GABBR2: variants seen among roughly 807,000 people sequenced by gnomAD.
The protein encoded by GABBR2 is gamma-aminobutyric acid type B receptor subunit 2.
A neutral mutation model predicts 105.6 loss-of-function variants in GABBR2; 23 were observed. The observed-to-expected ratio is 0.22, with a 90% CI of 0.16 to 0.31. The LOEUF (loss-of-function observed/expected upper bound fraction) is 0.31, where lower values mean the gene tolerates loss of function less well. Ranked by LOEUF, GABBR2 falls within the 10% of genes least tolerant of loss-of-function variation. The pLI is 1.00. For missense variants in GABBR2, 734 were observed against 1,245.5 expected, an observed-to-expected ratio of 0.59 and a Z score of 6.18; for synonymous variants, 478 against 499.7, an observed-to-expected ratio of 0.96 and a Z score of 0.58.
chr9:98,489,913 T>C (rs1443272050), intron 4 of GABBR2, among the ~76,000 whole-genome samples: 1 of 152,176 alleles, frequency 6.6e-6, no homozygotes, highest in African/African-American at 2.4e-5. Context: ...GCCAACATGG[T>C]AAAACACCAT....
In GABBR2 at chr9:98,405,468, TC is replaced by T. The variant is rs1209628028; in HGVS notation, c.1297+612del. Among the ~76,000 whole-genome samples, 12 of 152,220 alleles carry T rather than the reference TC, an allele frequency of 7.9e-5. No individual in the cohort carries two copies. In the East Asian group the frequency reaches 2.3e-3, roughly 29 times the overall value. Reference sequence around the variant, plus strand: ...CCCAAACCCCACAACAATGCAAAGGTCCTCAGAATACTAACTTAATCCCCAC... The same window carrying T: ...CCCAAACCCCACAACAATGCAAAGGTCTCAGAATACTAACTTAATCCCCAC... On this transcript the variant is annotated intron_variant, in intron 8 of 18. Transcript: ENST00000259455.
At chr9:98,501,642 C>T (rs1827402407) in intron 3 of GABBR2, among the ~76,000 whole-genome samples, 1 of 152,010 alleles carries the variant, frequency 6.6e-6, no homozygotes, top group African/African-American at 2.4e-5. Flanking sequence ...TAATCTAGGA[C>T]AGGGACCAAG....
chr9:98,615,593 T>C (rs556274708), intron 1 of GABBR2, among the ~76,000 whole-genome samples: 2 of 152,284 alleles, frequency 1.3e-5, no homozygotes, highest in Admixed American at 1.3e-4. Context: ...AATACAGTCA[T>C]GGATAAAGCA....
intron 4 of GABBR2, among the ~76,000 whole-genome samples, chr9:98,487,389 G>A (rs1827079688): frequency 6.6e-6 from 1 of 152,140 alleles, no homozygotes; most frequent in South Asian, 2.1e-4. Flanking sequence ...AAGAGGGAGA[G>A]CACAGTTCCC....
intron 8 of GABBR2, among the ~76,000 whole-genome samples, chr9:98,403,225 C>T (rs1280080158): frequency 2.2e-5 from 3 of 136,548 alleles, no homozygotes; most frequent in Non-Finnish European, 4.5e-5. Flanking sequence ...ACCCAGGAGG[C>T]AGAGGTTGCA....
At chr9:98,544,373 G>A (rs1269172305) in intron 2 of GABBR2, among the ~76,000 whole-genome samples, 3 of 152,142 alleles carry the variant, frequency 2.0e-5, no homozygotes, top group African/African-American at 4.8e-5. Context: ...CCTATCTATT[G>A]GAGCTGACCA....
intron 1 of GABBR2, among the ~76,000 whole-genome samples, chr9:98,679,306 C>G (rs895601747): frequency 6.6e-6 from 1 of 152,138 alleles, no homozygotes; most frequent in Admixed American, 6.5e-5. Context: ...CTGTGAGAAA[C>G]CACAGGACCA....
intron 7 of GABBR2, among the ~76,000 whole-genome samples, chr9:98,408,567 A>G (rs1028176565): frequency 1.3e-5 from 2 of 152,328 alleles, no homozygotes; most frequent in Non-Finnish European, 2.9e-5. Context: ...GTTCTGCCCA[A>G]TAGGTGTCCC....
rs1003032218 is a variant in GABBR2 at position 98,708,695 on chromosome 9, G to A, written c.43C>T (p.Pro15Ser). The A allele has an allele frequency of 2.9e-6, 3 of 1,026,288 alleles. No individual in the cohort carries two copies. The highest frequency in any genetic ancestry group is 3.5e-5 in the African/African-American group (2 of 57,542). The allele number at this position is 1,026,288 out of a possible 1,614,324, so 63.6% of individuals were successfully genotyped here. A position where few individuals can be genotyped will look rare whatever the true frequency, so the allele number is the denominator to read the frequency against. Residue 15 changes from proline (P) to serine (S), a missense_variant, in exon 1 of 19, where the codon CCG becomes TCG. Pro to Ser is a moderately conservative substitution (Grantham distance 74). Around this residue, in one of 7 missense-constraint regions of GABBR2, gnomAD observed 70 missense variants for 73.4 expected, o/e 0.95. Transcript: ENST00000259455. Reference sequence around the variant, plus strand: ...AGGCGCGCGGGCGGCGGTGGCGGCGGCGGCGGCGGCCCGGGCTGCCCGGAG... The same window carrying A: ...AGGCGCGCGGGCGGCGGTGGCGGCGACGGCGGCGGCCCGGGCTGCCCGGAG... ...RSSGQPGPPP[P>S]PPPPPARLLL...
At chr9:98,383,404 T>C (rs1001377613) in intron 11 of GABBR2, among the ~76,000 whole-genome samples, 2 of 152,160 alleles carry the variant, frequency 1.3e-5, no homozygotes, top group Non-Finnish European at 2.9e-5. Flanking sequence ...ATAATGGGAA[T>C]TAGTCTCATG....
intron 13 of GABBR2, among the ~76,000 whole-genome samples, chr9:98,349,579 C>T (rs1016487185): frequency 6.6e-6 from 1 of 152,096 alleles, no homozygotes; most frequent in South Asian, 2.1e-4. Context: ...TGGTCTCGAA[C>T]TCCTGACCTC....
At chr9:98,441,367 T>C (rs1826028493) in intron 7 of GABBR2, among the ~76,000 whole-genome samples, 7 of 152,108 alleles carry the variant, frequency 4.6e-5, no homozygotes, top group Admixed American at 4.6e-4. Flanking sequence ...ATTATTATTA[T>C]TATTATTTAT....
intron 11 of GABBR2, among the ~76,000 whole-genome samples, chr9:98,381,888 T>C (rs1428957618): frequency 2.6e-5 from 4 of 152,110 alleles, no homozygotes; most frequent in Non-Finnish European, 5.9e-5. Context: ...CAGGCTTCAT[T>C]AAAAAGAAAA....
intron 7 of GABBR2, 117 bp downstream of exon 7, chr9:98,453,863 GT>G (rs1826277763): frequency 1.3e-6 from 1 of 767,814 alleles, no homozygotes; most frequent in Non-Finnish European, 2.3e-6. Flanking sequence ...CCTGCAATTA[GT>G]TATTTCAATG....
At chr9:98,583,594 G>A (rs1183578814) in intron 1 of GABBR2, among the ~76,000 whole-genome samples, 1 of 152,212 alleles carries the variant, frequency 6.6e-6, no homozygotes, top group Non-Finnish European at 1.5e-5. Flanking sequence ...CCTCAGGAAG[G>A]GTGGGTGAAT....
At chr9:98,395,448 G>T (rs1832269763) in intron 8 of GABBR2, among the ~76,000 whole-genome samples, 1 of 152,088 alleles carries the variant, frequency 6.6e-6, no homozygotes, top group South Asian at 2.1e-4. Flanking sequence ...CGGCATGGAA[G>T]ATGGGAATCG....
intron 16 of GABBR2, among the ~76,000 whole-genome samples, chr9:98,301,181 C>G (rs569652854): frequency 2.0e-5 from 3 of 152,258 alleles, no homozygotes; most frequent in Admixed American, 6.5e-5. Context: ...TTGAAGCTGG[C>G]TGGTCAGAAG....
At chr9:98,512,523 CA>C (rs1827667614) in intron 3 of GABBR2, among the ~76,000 whole-genome samples, 1 of 152,090 alleles carries the variant, frequency 6.6e-6, no homozygotes, top group Non-Finnish European at 1.5e-5. Flanking sequence ...CGTCTCAGCC[CA>C]AAATCTCAAG....
intron 7 of GABBR2, among the ~76,000 whole-genome samples, chr9:98,413,964 C>T (rs1475619515): frequency 1.3e-5 from 2 of 152,190 alleles, no homozygotes; most frequent in East Asian, 1.9e-4. Context: ...AATACAGACA[C>T]ATGATGAAAT....
Sources: gnomAD v4.1 joint callset for allele counts (sites outside exome capture counted in the v4.1 genomes callset) on GRCh38, gnomAD v4.1.1 for gene constraint, gnomAD v4.1.1 regional missense constraint, MANE v1.5 for transcripts, NCBI Gene and HGNC (gene_info 2026-07-23, HGNC 2026-07-21) for gene names.